The following ZNF257 variants were observed in gnomAD, a reference collection of about 807,000 sequenced individuals.
ZNF257 encodes zinc finger protein 257.
ZNF257 carries 12 observed loss-of-function variants against 11.9 expected under a neutral mutation model. The observed-to-expected ratio is 1.01, with a 90% CI of 0.65 to 1.63. The LOEUF is 1.63. Among genes scored for constraint, ZNF257 ranks in the 40% most tolerant of loss-of-function variants. The pLI is 0.00. For missense variants in ZNF257, 580 were observed against 665.5 expected, an observed-to-expected ratio of 0.87 and a Z score of 1.41; for synonymous variants, 183 against 222.7, an observed-to-expected ratio of 0.82 and a Z score of 1.59.
chr19:22,086,718 T>C (rs1599675048), intron 3 of ZNF257, among the ~76,000 whole-genome samples: 1 of 152,142 alleles, frequency 6.6e-6, no homozygotes, highest in South Asian at 2.1e-4. Context: ...CAGCATTTTT[T>C]CTTCAGGACT....
rs546967776 is a variant in ZNF257 at position 22,088,657 on chromosome 19, C to G, written c.907C>G (p.Leu303Val). Residue 303 changes from leucine (L) to valine (V), a missense_variant, in exon 4 of 4, where the codon CTT (leucine) becomes GTT (valine). Transcript: ENST00000594947. Reference protein sequence around the residue: ...AFKWSSALTTLTQHKRIHTGE... With the variant: ...AFKWSSALTTVTQHKRIHTGE... ...TAAGTGGTCCTCAGCTCTTACTACC[C>G]TTACTCAACATAAGAGAATTCATAC... 1.2e-6 allele frequency: 2 copies of G among 1,613,614 alleles called. No homozygotes were observed. The highest frequency in any genetic ancestry group is 3.3e-5 in the Admixed American group (2 of 59,964).
At chr19:22,063,419 G>T (rs568726853) in intron 1 of ZNF257, among the ~76,000 whole-genome samples, 18 of 152,132 alleles carry the variant, frequency 1.2e-4, no homozygotes, top group African/African-American at 4.1e-4. Flanking sequence ...GTTTGCTCTT[G>T]CTTCTCATAC....
intron 1 of ZNF257, among the ~76,000 whole-genome samples, chr19:22,057,005 G>C (rs549750899): frequency 6.6e-6 from 1 of 152,236 alleles, no homozygotes; most frequent in African/African-American, 2.4e-5. Context: ...ACTTGTGATA[G>C]TGAATATCTC....
At chr19:22,084,826 T>C (rs532505718) in intron 3 of ZNF257, among the ~76,000 whole-genome samples, 4 of 150,432 alleles carry the variant, frequency 2.7e-5, no homozygotes, top group African/African-American at 9.8e-5. Flanking sequence ...GCCTCCCGGG[T>C]TCAAGTGATT....
At chr19:22,068,304 C>T (rs1475104658) in intron 1 of ZNF257, among the ~76,000 whole-genome samples, 5 of 151,908 alleles carry the variant, frequency 3.3e-5, no homozygotes, top group African/African-American at 1.2e-4. Flanking sequence ...TGTGTTGCCT[C>T]GGGTTTTTCT....
intron 3 of ZNF257, among the ~76,000 whole-genome samples, chr19:22,076,813 C>T (rs917559989): frequency 5.3e-5 from 8 of 152,020 alleles, no homozygotes; most frequent in Admixed American, 2.6e-4. Flanking sequence ...CTCAGCCTCC[C>T]GAGTAGCTGG....
intron 1 of ZNF257, among the ~76,000 whole-genome samples, chr19:22,059,218 G>T (rs1244662839): frequency 1.3e-5 from 2 of 151,958 alleles, no homozygotes; most frequent in Non-Finnish European, 2.9e-5. Context: ...TGTCATGGGG[G>T]TTTGGTGTGC....
intron 1 of ZNF257, among the ~76,000 whole-genome samples, chr19:22,068,467 T>G (rs1041035977): frequency 7.9e-5 from 12 of 152,138 alleles, no homozygotes; most frequent in African/African-American, 2.9e-4. Context: ...CTGCCTGAGA[T>G]TCACAAGACA....
intron 3 of ZNF257, among the ~76,000 whole-genome samples, chr19:22,087,076 T>C (rs944299651): frequency 5.9e-5 from 9 of 152,008 alleles, no homozygotes; most frequent in African/African-American, 1.9e-4. Context: ...TTGTCTGTGC[T>C]CCTTTTACTC....
At chr19:22,055,094 A>C (rs2021594788) in intron 1 of ZNF257, among the ~76,000 whole-genome samples, 1 of 152,136 alleles carries the variant, frequency 6.6e-6, no homozygotes, top group Non-Finnish European at 1.5e-5. Context: ...ATTGCTGTTA[A>C]GCCAATCAGA....
intron 1 of ZNF257, among the ~76,000 whole-genome samples, chr19:22,056,478 ATT>A (rs79915542): frequency 3.0e-5 from 4 of 134,582 alleles, no homozygotes; most frequent in Non-Finnish European, 4.6e-5. Flanking sequence ...GAATTTAGAA[ATT>A]TTTTTTTTTT....
chr19:22,070,425 A>G (rs138459614), intron 1 of ZNF257, among the ~76,000 whole-genome samples: 4 of 152,276 alleles, frequency 2.6e-5, no homozygotes, highest in African/African-American at 9.6e-5. Context: ...CTTAGTACCA[A>G]TTCCCAAGGG....
At chr19:22,080,676 TTTA>T (rs1250825888) in intron 3 of ZNF257, among the ~76,000 whole-genome samples, 2 of 151,898 alleles carry the variant, frequency 1.3e-5, no homozygotes, top group Non-Finnish European at 2.9e-5. Flanking sequence ...AGTTCTCTGT[TTTA>T]TTATTGCTAT....
At chr19:22,081,215 TATACAC>T (rs1242571869) in intron 3 of ZNF257, among the ~76,000 whole-genome samples, 18 of 151,964 alleles carry the variant, frequency 1.2e-4, no homozygotes, top group Non-Finnish European at 2.6e-4. Flanking sequence ...ATATGTTATA[TATACAC>T]GTATCTGTAG....
At chr19:22,087,892 A>G in intron 3 of ZNF257, 85 bp from the exon 4 acceptor site, 3 of 1,226,932 alleles carry the variant, frequency 2.4e-6, no homozygotes, top group East Asian at 2.4e-5. Context: ...CTTATGTAGT[A>G]TATACAGTTT....
intron 1 of ZNF257, among the ~76,000 whole-genome samples, chr19:22,054,144 C>T (rs915875721): frequency 7.9e-5 from 12 of 150,952 alleles, no homozygotes; most frequent in Admixed American, 4.0e-4. Flanking sequence ...GAGATTTCTG[C>T]TCATTGCAAC....
At chr19:22,080,841 TTTTATTAAA>T (rs2022340554) in intron 3 of ZNF257, among the ~76,000 whole-genome samples, 1 of 150,660 alleles carries the variant, frequency 6.6e-6, no homozygotes, top group African/African-American at 2.4e-5. Context: ...TAGATAAGTA[TTTTATTAAA>T]TACATTAATT....
At chr19:22,083,865 T>C (rs979709706) in intron 3 of ZNF257, among the ~76,000 whole-genome samples, 8 of 152,120 alleles carry the variant, frequency 5.3e-5, no homozygotes, top group Non-Finnish European at 1.0e-4. Flanking sequence ...TGTGGTCCGG[T>C]GTGGTAGCTC....
At chr19:22,085,692 A>G (rs535961151) in intron 3 of ZNF257, among the ~76,000 whole-genome samples, 1 of 111,952 alleles carries the variant, frequency 8.9e-6, no homozygotes, top group South Asian at 3.0e-4. Flanking sequence ...ACACACATGC[A>G]CACACACACA....
Sources: gnomAD v4.1 joint callset for allele counts (sites outside exome capture counted in the v4.1 genomes callset) on GRCh38, gnomAD v4.1.1 for gene constraint, MANE v1.5 for transcripts, NCBI Gene and HGNC (gene_info 2026-07-23, HGNC 2026-07-21) for gene names.